The following LRGUK variants were observed in gnomAD, a reference collection of about 807,000 sequenced individuals.
LRGUK encodes the protein leucine rich repeats and guanylate kinase domain containing.
Under a neutral mutation model 76.0 loss-of-function variants are expected in LRGUK, and 65 were observed. The observed-to-expected ratio is 0.85, with a 90% confidence interval of 0.70 to 1.05. The LOEUF (loss-of-function observed/expected upper bound fraction) is 1.05. Ranked by LOEUF, LRGUK falls within the 50% of genes least tolerant of loss-of-function variation. LRGUK has a pLI of 0.00. For synonymous variants in LRGUK, 268 were observed against 265.6 expected (o/e 1.01, Z -0.09); for missense variants, 758 against 732.8 (o/e 1.03, Z -0.40).
chr7:134,203,388 C>T (rs1248734301), intron 15 of LRGUK, among the ~76,000 whole-genome samples: 1 of 152,072 alleles, frequency 6.6e-6, no homozygotes, highest in Non-Finnish European at 1.5e-5. Context: ...TGACTTTTTG[C>T]CCAAATAGGA....
chr7:134,247,449 T>C (rs1802332290), intron 16 of LRGUK, 107 bp from the exon 17 acceptor site: 1 of 701,318 alleles, frequency 1.4e-6, no homozygotes, highest in Non-Finnish European at 2.3e-6. Context: ...CCCTTTTTCT[T>C]CCCACATATT....
intron 17 of LRGUK, among the ~76,000 whole-genome samples, chr7:134,248,039 A>G (rs1013518197): frequency 6.6e-6 from 1 of 152,200 alleles, no homozygotes; most frequent in Non-Finnish European, 1.5e-5. Context: ...ATAAAATTAC[A>G]TTTTTGTTCA....
chr7:134,236,403 T>C (rs544086716), intron 16 of LRGUK, among the ~76,000 whole-genome samples: 1 of 152,320 alleles, frequency 6.6e-6, no homozygotes, highest in South Asian at 2.1e-4. Flanking sequence ...AATCTACAGG[T>C]TCTCCACCCA....
intron 18 of LRGUK, among the ~76,000 whole-genome samples, chr7:134,251,578 T>C (rs572226062): frequency 5.3e-5 from 8 of 152,248 alleles, no homozygotes; most frequent in Non-Finnish European, 8.8e-5. Flanking sequence ...ATTTTTCTTT[T>C]CACATTCTTT....
At chr7:134,229,845 G>A (rs544302995) in intron 16 of LRGUK, among the ~76,000 whole-genome samples, 24 of 152,068 alleles carry the variant, frequency 1.6e-4, no homozygotes, top group African/African-American at 5.5e-4. Flanking sequence ...ATATAAATAG[G>A]AACAAAATTA....
intron 18 of LRGUK, among the ~76,000 whole-genome samples, chr7:134,257,935 G>A (rs1036285998): frequency 2.0e-5 from 3 of 152,206 alleles, no homozygotes; most frequent in Admixed American, 1.3e-4. Flanking sequence ...AAATCCTGGA[G>A]ATTAGGATCT....
chr7:134,168,972 G>T (rs1799117188), intron 7 of LRGUK, among the ~76,000 whole-genome samples: 1 of 152,018 alleles, frequency 6.6e-6, no homozygotes, highest in African/African-American at 2.4e-5. Context: ...GGAATTGTGT[G>T]CCCCTCCCCT....
At chr7:134,230,327 A>G (rs1323785262) in intron 16 of LRGUK, among the ~76,000 whole-genome samples, 1 of 152,220 alleles carries the variant, frequency 6.6e-6, no homozygotes, top group African/African-American at 2.4e-5. Context: ...GCATAAACTA[A>G]AAGTACTAAA....
rs562680423 is a variant in LRGUK, at chr7:134,129,272, TCCTC to T, written c.297+1618_297+1621del. On this transcript the variant is annotated intron_variant, in intron 1 of 15. Coordinates refer to ENST00000645682, the Ensembl canonical transcript of LRGUK. ...TCCCTCTCTCTCTCCCTCCCTCCCT[TCCTC>T]CCTCCCTCCACTCTGTCTCTCTTTC... Among the ~76,000 whole-genome samples the T allele has an allele frequency of 2.0e-3, 231 of 115,448 alleles. 2 individuals carry two copies. The highest frequency in any genetic ancestry group is 6.8e-3 in the African/African-American group (203 of 29,966). The allele number at this position is 115,448 out of a possible 152,430, so 75.7% of individuals were successfully genotyped here.
intron 15 of LRGUK, among the ~76,000 whole-genome samples, chr7:134,219,680 G>GTCTC (rs1470950553): frequency 6.6e-6 from 1 of 151,256 alleles, no homozygotes; most frequent in Non-Finnish European, 1.5e-5. Context: ...CACCTCCTTT[G>GTCTC]TCTCTCTCTC....
At chr7:134,203,958 C>T (rs1340978282) in intron 15 of LRGUK, among the ~76,000 whole-genome samples, 1 of 152,164 alleles carries the variant, frequency 6.6e-6, no homozygotes, top group Non-Finnish European at 1.5e-5. Context: ...CTGCTCCTGT[C>T]GGGGCTGTAC....
chr7:134,161,211 A>T (rs917656357), intron 6 of LRGUK, among the ~76,000 whole-genome samples: 2 of 152,204 alleles, frequency 1.3e-5, no homozygotes, highest in African/African-American at 4.8e-5. Flanking sequence ...TTTAGAAAGA[A>T]ATATATTGTA....
chr7:134,128,451 G>C (rs1797124394), intron 1 of LRGUK, among the ~76,000 whole-genome samples: 1 of 152,108 alleles, frequency 6.6e-6, no homozygotes. Flanking sequence ...GTCCATTGTT[G>C]TCTTCTTGTC....
intron 1 of LRGUK, among the ~76,000 whole-genome samples, chr7:134,128,109 GAA>G (rs11291605): frequency 0.046 from 6,303 of 135,988 alleles, 302 homozygotes; most frequent in African/African-American, 0.12. Context: ...CTCCCTCCAG[GAA>G]AAAAAAAAAA....
intron 12 of LRGUK, among the ~76,000 whole-genome samples, chr7:134,192,750 C>T (rs1266286288): frequency 1.3e-5 from 2 of 152,058 alleles, no homozygotes; most frequent in Admixed American, 1.3e-4. Flanking sequence ...TCTCCATGGC[C>T]CTTATTTTTG....
chr7:134,199,265 C>T (rs1022925892), exon 14 of LRGUK: 2 of 1,613,656 alleles, frequency 1.2e-6, no homozygotes, highest in South Asian at 1.1e-5. Flanking sequence ...TCGTTATATC[C>T]TGGTGGTGCC....
In LRGUK at chr7:134,196,987, T is replaced by A; in HGVS notation, c.1432-5T>A. 4.6e-6 allele frequency: 7 copies of A among 1,506,498 alleles called. No homozygotes were observed. Among genetic ancestry groups the A allele is most frequent in the Non-Finnish European group, 6.4e-6 (7 of 1,085,974 alleles). The allele number at this position is 1,506,498 out of a possible 1,614,324, so 93.3% of individuals were successfully genotyped here. A position where few individuals can be genotyped will look rare whatever the true frequency, so the allele number is the denominator to read the frequency against. ...ATGAAAATCTTTGTTCTTCTCGAAT[T>A]CCAGGGGAAATTCATTCTAACATTT... On this transcript the variant is annotated splice_polypyrimidine_tract_variant and splice_region_variant and intron_variant, in intron 12 of 15. Transcript: ENST00000645682.
intron 18 of LRGUK, among the ~76,000 whole-genome samples, chr7:134,251,138 C>T (rs1051164662): frequency 3.3e-5 from 5 of 152,010 alleles, no homozygotes; most frequent in Non-Finnish European, 7.4e-5. Flanking sequence ...GAGTCCTGAC[C>T]CCCAGGATCT....
chr7:134,237,728 A>G (rs1272096167), intron 16 of LRGUK, among the ~76,000 whole-genome samples: 1 of 152,182 alleles, frequency 6.6e-6, no homozygotes, highest in Non-Finnish European at 1.5e-5. Context: ...GTTACCAGGG[A>G]TGTTCATTAC....
Sources: allele counts gnomAD v4.1 joint callset (sites outside exome capture counted in the v4.1 genomes callset), GRCh38; gene constraint gnomAD v4.1.1; transcripts MANE v1.5; gene names NCBI Gene and HGNC (gene_info 2026-07-23, HGNC 2026-07-21).